The following PHACTR1 variants were observed in gnomAD, a reference collection of about 807,000 sequenced individuals.
PHACTR1 encodes the protein RPEL repeat containing 1.
A neutral mutation model predicts 69.2 loss-of-function variants in PHACTR1; 16 were observed. The ratio of observed to expected loss-of-function variants is 0.23; its 90% CI spans 0.16 to 0.35. PHACTR1 has a LOEUF of 0.35. Ranked by LOEUF, PHACTR1 falls within the 10% of genes least tolerant of loss-of-function variation. The pLI is 1.00. For missense variants in PHACTR1, 510 were observed against 734.7 expected, an observed-to-expected ratio of 0.69 and a Z score of 3.54; for synonymous variants, 312 against 284.5, an observed-to-expected ratio of 1.10 and a Z score of -0.97.
At chr6:12,947,055 C>G (rs1482908519) in intron 4 of PHACTR1, among the ~76,000 whole-genome samples, 1 of 152,016 alleles carries the variant, frequency 6.6e-6, no homozygotes, top group Non-Finnish European at 1.5e-5. Flanking sequence ...TCGTGATCCA[C>G]CCGCCTCGGC....
chr6:13,182,352 A>G (rs1012420861), intron 6 of PHACTR1, among the ~76,000 whole-genome samples, 167 bp from the exon 7 acceptor site: 5 of 152,248 alleles, frequency 3.3e-5, no homozygotes, highest in African/African-American at 9.6e-5. Context: ...ATTAGACAAC[A>G]TATCTCTAAC....
At chr6:13,193,834 AT>A (rs1393178764) in intron 7 of PHACTR1, among the ~76,000 whole-genome samples, 1 of 152,052 alleles carries the variant, frequency 6.6e-6, no homozygotes, top group African/African-American at 2.4e-5. Context: ...GCTTGGATGA[AT>A]GAATGATCCT....
intron 4 of PHACTR1, among the ~76,000 whole-genome samples, chr6:12,859,128 G>A (rs1015398190): frequency 3.3e-5 from 5 of 152,142 alleles, no homozygotes; most frequent in African/African-American, 9.7e-5. Context: ...ATCTGAAAGA[G>A]CTTTAGGAGC....
At chr6:13,022,884 G>A (rs548053177) in intron 4 of PHACTR1, among the ~76,000 whole-genome samples, 3 of 152,096 alleles carry the variant, frequency 2.0e-5, no homozygotes, top group Non-Finnish European at 2.9e-5. Context: ...AGGTGTGGTG[G>A]TGCATGCCTG....
chr6:12,984,614 T>C (rs1366978312), intron 4 of PHACTR1, among the ~76,000 whole-genome samples: 1 of 152,252 alleles, frequency 6.6e-6, no homozygotes, highest in Non-Finnish European at 1.5e-5. Context: ...TCCCTTTTAA[T>C]ATATGGTCAC....
chr6:13,282,765 A>G (rs938208994), intron 12 of PHACTR1, among the ~76,000 whole-genome samples: 3 of 152,158 alleles, frequency 2.0e-5, no homozygotes, highest in Admixed American at 2.0e-4. Context: ...CCAAAATAAG[A>G]CAGAATCATT....
intron 4 of PHACTR1, among the ~76,000 whole-genome samples, chr6:12,955,945 C>T (rs1791849794): frequency 6.6e-6 from 1 of 152,124 alleles, no homozygotes; most frequent in Admixed American, 6.5e-5. Flanking sequence ...TAGATAGTTA[C>T]AAAGTGTTTT....
chr6:13,095,159 G>A (rs773466502), intron 5 of PHACTR1, among the ~76,000 whole-genome samples: 1 of 152,218 alleles, frequency 6.6e-6, no homozygotes, highest in Non-Finnish European at 1.5e-5. Context: ...AGAACTGTGA[G>A]AAATGAATTT....
At chr6:12,759,314 T>C (rs1200130580) in intron 4 of PHACTR1, among the ~76,000 whole-genome samples, 2 of 152,104 alleles carry the variant, frequency 1.3e-5, no homozygotes, top group East Asian at 3.8e-4. Flanking sequence ...CACTCCACTC[T>C]AATATATTTT....
chr6:12,795,191 A>G (rs947108957), intron 4 of PHACTR1, among the ~76,000 whole-genome samples: 1 of 152,062 alleles, frequency 6.6e-6, no homozygotes, highest in African/African-American at 2.4e-5. Flanking sequence ...AAAACCAAGA[A>G]ATAATTTACA....
intron 5 of PHACTR1, among the ~76,000 whole-genome samples, chr6:13,073,942 G>A (rs1809965772): frequency 1.3e-5 from 2 of 150,736 alleles, no homozygotes; most frequent in South Asian, 2.1e-4. Context: ...GTGCAATCTC[G>A]GCTCACTGCA....
intron 4 of PHACTR1, among the ~76,000 whole-genome samples, chr6:12,919,083 C>A (rs895732399): frequency 1.3e-5 from 2 of 152,168 alleles, no homozygotes; most frequent in Non-Finnish European, 2.9e-5. Context: ...TTGCCTCAGC[C>A]TCCCAAAGTC....
intron 4 of PHACTR1, among the ~76,000 whole-genome samples, chr6:12,826,522 C>A (rs964878104): frequency 6.6e-6 from 1 of 152,102 alleles, no homozygotes; most frequent in African/African-American, 2.4e-5. Context: ...GCCAGTTTGC[C>A]TCTTGTTATT....
chr6:13,263,924 A>C (rs557302703), intron 10 of PHACTR1, among the ~76,000 whole-genome samples: 52 of 152,300 alleles, frequency 3.4e-4, no homozygotes, highest in Non-Finnish European at 6.2e-4. Flanking sequence ...CATCGATCAT[A>C]AAATGAGCCA....
chr6:12,766,009 A>G (rs1222510753), intron 4 of PHACTR1, among the ~76,000 whole-genome samples: 2 of 152,186 alleles, frequency 1.3e-5, no homozygotes, highest in Non-Finnish European at 2.9e-5. Flanking sequence ...GTACAGCCTG[A>G]CCATAGTGTG....
chr6:12,897,810 A>G (rs1784816086), intron 4 of PHACTR1, among the ~76,000 whole-genome samples: 1 of 151,682 alleles, frequency 6.6e-6, no homozygotes, highest in Non-Finnish European at 1.5e-5. Context: ...GGTTTGCTGC[A>G]CTCATCAACC....
chr6:12,810,786 G>A (rs1036111150), intron 4 of PHACTR1, among the ~76,000 whole-genome samples: 6 of 152,064 alleles, frequency 3.9e-5, no homozygotes, highest in Non-Finnish European at 8.8e-5. Flanking sequence ...TTTCTCCTTT[G>A]GCTCCTTTCT....
intron 4 of PHACTR1, among the ~76,000 whole-genome samples, chr6:12,856,434 T>C (rs1780376026): frequency 6.6e-6 from 1 of 152,074 alleles, no homozygotes. Context: ...TTTGTATTTT[T>C]AGTAGATGCG....
In PHACTR1 at chr6:13,246,532, T is replaced by G. The variant is rs1219254895; in HGVS notation, c.1391+16339T>G. 6.6e-6 allele frequency among the ~76,000 whole-genome samples: 1 copy of G among 152,262 alleles called. No individual in the cohort carries two copies. Among genetic ancestry groups the G allele is most frequent in the Non-Finnish European group, 1.5e-5 (1 of 68,046 alleles). ...ATTTAGAGTTGGCCTATTCTTGTGA[T>G]TCTTTCAAATGATAAGTGAAACTCT... On this transcript the variant is annotated intron_variant, in intron 10 of 14. Coordinates refer to ENST00000332995, the MANE Select transcript of PHACTR1 (RefSeq NM_030948.6). This position sits in a 1 kb window ranked among gnomAD's most constrained non-coding sequence, Gnocchi z 4.2.
Sources: allele counts gnomAD v4.1 joint callset (sites outside exome capture counted in the v4.1 genomes callset), GRCh38; gene constraint gnomAD v4.1.1; non-coding constraint Gnocchi (gnomAD v3.1); transcripts MANE v1.5; gene names NCBI Gene and HGNC (gene_info 2026-07-23, HGNC 2026-07-21).